The following MECOM variants were observed in gnomAD, a reference collection of about 807,000 sequenced individuals.
MECOM encodes the protein MDS1 and EVI1 complex locus.
MECOM carries 13 observed loss-of-function variants against 116.3 expected under a neutral mutation model. The observed-to-expected ratio is 0.11, with a 90% CI of 0.07 to 0.18. The LOEUF is 0.18. Among genes scored for constraint, MECOM ranks in the 10% least tolerant of loss-of-function variants. The probability of loss-of-function intolerance (pLI) is 1.00; values close to 1 mark genes in which losing one functional copy is unlikely to be tolerated. For missense variants in MECOM, 1,299 were observed against 1,509.0 expected (o/e 0.86, Z 2.31); for synonymous variants, 528 against 535.2 (o/e 0.99, Z 0.19).
At position 169,147,584 on chromosome 3, in the gene MECOM, A is replaced by G. The variant is rs1316233172; in HGVS notation, c.376-3752T>C. 1.0e-5 allele frequency: 10 copies of G among 985,270 alleles called. No individual in the cohort carries two copies. The African/African-American group carries it at 1.7e-4, about 17-fold the overall frequency. The allele number at this position is 985,270 out of a possible 1,614,324, so 61.0% of individuals were successfully genotyped here. A position where few individuals can be genotyped will look rare whatever the true frequency, so the allele number is the denominator to read the frequency against. ...ACCCAAGTCCTATAGGGACAGACTG[A>G]TTATGGATGCACCATCCCCCTTAAA... On this transcript the variant is annotated intron_variant, in intron 2 of 16. Transcript: ENST00000651503.
At chr3:169,231,919 G>A (rs1275573763) in intron 2 of MECOM, among the ~76,000 whole-genome samples, 1 of 152,094 alleles carries the variant, frequency 6.6e-6, no homozygotes, top group Non-Finnish European at 1.5e-5. Flanking sequence ...TAGCAGTAGG[G>A]GCTTTTACCT....
chr3:169,239,512 A>T (rs1754510706), intron 2 of MECOM, among the ~76,000 whole-genome samples: 1 of 151,998 alleles, frequency 6.6e-6, no homozygotes, highest in Non-Finnish European at 1.5e-5. Flanking sequence ...AGGGAAACCT[A>T]TTAACTATTT....
At chr3:169,242,186 C>T (rs1035640229) in intron 2 of MECOM, among the ~76,000 whole-genome samples, 1 of 152,056 alleles carries the variant, frequency 6.6e-6, no homozygotes, top group Non-Finnish European at 1.5e-5. Context: ...CGAGAGGAGC[C>T]TTCTTCTTTT....
chr3:169,644,690 G>A (rs2110051460), intron 1 of MECOM, among the ~76,000 whole-genome samples: 1 of 152,166 alleles, frequency 6.6e-6, no homozygotes, highest in East Asian at 1.9e-4. Flanking sequence ...TGGTTCAAAG[G>A]AAATTCTAAA....
At chr3:169,296,501 C>A (rs1386799277) in intron 2 of MECOM, among the ~76,000 whole-genome samples, 1 of 152,158 alleles carries the variant, frequency 6.6e-6, no homozygotes, top group Non-Finnish European at 1.5e-5. Context: ...CACACAAGTT[C>A]TTTGTAGACC....
At chr3:169,370,758 A>G (rs986594210) in intron 2 of MECOM, among the ~76,000 whole-genome samples, 1 of 152,010 alleles carries the variant, frequency 6.6e-6, no homozygotes, top group African/African-American at 2.4e-5. Context: ...AAGAAGACAT[A>G]CAATAGCGAT....
At chr3:169,662,566 C>A (rs935202835) in intron 1 of MECOM, among the ~76,000 whole-genome samples, 1 of 151,924 alleles carries the variant, frequency 6.6e-6, no homozygotes, top group Non-Finnish European at 1.5e-5. Flanking sequence ...CTCTGCTCTG[C>A]CCGTGCCCCC....
intron 2 of MECOM, among the ~76,000 whole-genome samples, chr3:169,239,080 C>T (rs995333131): frequency 6.6e-6 from 1 of 152,064 alleles, no homozygotes; most frequent in African/African-American, 2.4e-5. Flanking sequence ...AGATATGTTA[C>T]ATGTGAACTG....
intron 1 of MECOM, among the ~76,000 whole-genome samples, chr3:169,622,017 G>A (rs966134055): frequency 2.0e-5 from 3 of 152,180 alleles, no homozygotes; most frequent in African/African-American, 7.2e-5. Context: ...ATGATAATCT[G>A]TATTTTAAGC....
intron 2 of MECOM, among the ~76,000 whole-genome samples, chr3:169,228,751 T>C (rs1172579352): frequency 6.6e-6 from 1 of 152,178 alleles, no homozygotes; most frequent in Non-Finnish European, 1.5e-5. Context: ...TGTTTCGGCT[T>C]TCTTCATTTT....
At chr3:169,288,611 C>T (rs912203748) in intron 2 of MECOM, among the ~76,000 whole-genome samples, 1 of 151,988 alleles carries the variant, frequency 6.6e-6, no homozygotes, top group Non-Finnish European at 1.5e-5. Context: ...CACATTCACG[C>T]TTATTGGGGT....
chr3:169,316,765 C>A (rs1229830688), intron 2 of MECOM, among the ~76,000 whole-genome samples: 1 of 152,206 alleles, frequency 6.6e-6, no homozygotes, highest in Non-Finnish European at 1.5e-5. Flanking sequence ...GCTGCCCAGG[C>A]TGGTCTTGAA....
chr3:169,578,760 G>T (rs969419000), intron 1 of MECOM, among the ~76,000 whole-genome samples: 1 of 152,140 alleles, frequency 6.6e-6, no homozygotes, highest in African/African-American at 2.4e-5. Flanking sequence ...AATTACAAGC[G>T]TACACAAAAG....
At chr3:169,109,740 T>C (rs188206939) in intron 9 of MECOM, among the ~76,000 whole-genome samples, 79 of 152,298 alleles carry the variant, frequency 5.2e-4, no homozygotes, top group African/African-American at 1.9e-3. Flanking sequence ...TTGACAGAAT[T>C]TTTAAAATAC....
intron 2 of MECOM, among the ~76,000 whole-genome samples, chr3:169,214,148 T>C (rs1035187687): frequency 6.6e-6 from 1 of 152,132 alleles, no homozygotes; most frequent in African/African-American, 2.4e-5. Flanking sequence ...TACAGCTATA[T>C]TTGTTCCCCT....
chr3:169,651,973 TA>T (rs1441339559), intron 1 of MECOM, among the ~76,000 whole-genome samples: 4 of 152,194 alleles, frequency 2.6e-5, no homozygotes, highest in Non-Finnish European at 4.4e-5. Flanking sequence ...TCTTTTCATT[TA>T]AAAATTATTG....
chr3:169,381,669 T>A lies in MECOM; in HGVS notation c.38-145A>T, dbSNP rs375444405. On this transcript the variant is annotated intron_variant, in intron 1 of 16. Coordinates refer to ENST00000651503, the MANE Select transcript of MECOM (RefSeq NM_004991.4). ...TGTGCCTTCATTAAAATCTTTATTA[T>A]TTACAGGCCAGGGAGAGGCTAGAGA... The A allele has an allele frequency of 8.1e-5, 54 of 668,828 alleles. No homozygotes were observed. The South Asian group carries it at 8.4e-4, about 10-fold the overall frequency. 41.4% of individuals were successfully genotyped at this position (668,828 alleles called of 1,614,324 possible).
chr3:169,230,208 C>G (rs1412082162), intron 2 of MECOM, among the ~76,000 whole-genome samples: 2 of 151,522 alleles, frequency 1.3e-5, no homozygotes, highest in Non-Finnish European at 2.9e-5. Context: ...TGTCTACCAT[C>G]TTGGCTTTTC....
intron 2 of MECOM, among the ~76,000 whole-genome samples, chr3:169,156,205 G>A (rs1741952268): frequency 6.6e-6 from 1 of 152,100 alleles, no homozygotes; most frequent in Admixed American, 6.6e-5. Flanking sequence ...GAGCACCAAT[G>A]TGCTAAATAC....
Sources: gnomAD v4.1 joint callset for allele counts (sites outside exome capture counted in the v4.1 genomes callset) on GRCh38, gnomAD v4.1.1 for gene constraint, MANE v1.5 for transcripts, NCBI Gene and HGNC (gene_info 2026-07-23, HGNC 2026-07-21) for gene names.